Variants in LRFN5 observed in about 807,000 individuals in gnomAD.
LRFN5 encodes the protein leucine-rich repeat and fibronectin type-III domain-containing protein 5.
In LRFN5, 24 loss-of-function variants were observed where a neutral mutation model predicts 45.6. The observed-to-expected ratio is 0.53, with a 90% CI of 0.38 to 0.74. LRFN5 has a LOEUF of 0.74. Ranked by LOEUF, LRFN5 falls within the 30% of genes least tolerant of loss-of-function variation. LRFN5 has a pLI of 0.00. For missense variants in LRFN5, 776 were observed against 861.5 expected (o/e 0.90, Z 1.24); for synonymous variants, 340 against 313.8 (o/e 1.08, Z -0.88).
At chr14:41,757,196 C>T (rs1235925453) in intron 1 of LRFN5, among the ~76,000 whole-genome samples, 4 of 152,158 alleles carry the variant, frequency 2.6e-5, no homozygotes, top group African/African-American at 9.6e-5. Context: ...TTAGGCTACT[C>T]GGGGGTCAGG....
intron 1 of LRFN5, among the ~76,000 whole-genome samples, chr14:41,685,477 C>A (rs778463194): frequency 6.6e-6 from 1 of 152,134 alleles, no homozygotes; most frequent in Non-Finnish European, 1.5e-5. Flanking sequence ...TAATTAGATC[C>A]TATCTGTCAA....
At chr14:41,636,702 C>A (rs905198542) in intron 1 of LRFN5, among the ~76,000 whole-genome samples, 1 of 152,064 alleles carries the variant, frequency 6.6e-6, no homozygotes, top group Non-Finnish European at 1.5e-5. Flanking sequence ...TACCAACTTG[C>A]CTGATTCCAA....
At chr14:41,768,438 C>T (rs1287244603) in intron 2 of LRFN5, among the ~76,000 whole-genome samples, 2 of 152,024 alleles carry the variant, frequency 1.3e-5, no homozygotes, top group African/African-American at 4.8e-5. Context: ...GTGTAGGTTT[C>T]TTCTTCCTAT....
intron 1 of LRFN5, among the ~76,000 whole-genome samples, chr14:41,740,427 G>A (rs943535696): frequency 6.6e-6 from 1 of 151,748 alleles, no homozygotes; most frequent in Non-Finnish European, 1.5e-5. Flanking sequence ...TTAACAAAAT[G>A]AAGAAGAAAA....
At chr14:41,804,964 C>T (rs552643714) in intron 2 of LRFN5, among the ~76,000 whole-genome samples, 7 of 151,920 alleles carry the variant, frequency 4.6e-5, no homozygotes, top group African/African-American at 1.4e-4. Context: ...GTTATATTAG[C>T]TATTAATTGT....
chr14:41,680,139 G>C (rs1881819485), intron 1 of LRFN5, among the ~76,000 whole-genome samples: 1 of 152,134 alleles, frequency 6.6e-6, no homozygotes, highest in South Asian at 2.1e-4. Flanking sequence ...ACAACTCCAG[G>C]CTCTGGATTC....
At chr14:41,850,260 C>A (rs1889219035) in intron 2 of LRFN5, among the ~76,000 whole-genome samples, 1 of 151,860 alleles carries the variant, frequency 6.6e-6, no homozygotes, top group Non-Finnish European at 1.5e-5. Context: ...GACACGTACA[C>A]AATACATGCT....
intron 1 of LRFN5, among the ~76,000 whole-genome samples, chr14:41,751,165 C>G (rs1286609379): frequency 2.0e-5 from 3 of 152,048 alleles, no homozygotes; most frequent in Non-Finnish European, 4.4e-5. Flanking sequence ...CCCACTAGGG[C>G]CCTCCCTCAA....
chr14:41,709,703 T>C (rs993496388), intron 1 of LRFN5, among the ~76,000 whole-genome samples: 1 of 152,042 alleles, frequency 6.6e-6, no homozygotes, highest in Non-Finnish European at 1.5e-5. Context: ...TTTATTTTAA[T>C]TTTAGGAACA....
intron 1 of LRFN5, among the ~76,000 whole-genome samples, chr14:41,674,409 G>T (rs867758874): frequency 1.5e-5 from 2 of 137,414 alleles, no homozygotes; most frequent in East Asian, 4.6e-4. Flanking sequence ...CGGACGGGGC[G>T]GCTGGCCGGG....
At chr14:41,791,335 G>C (rs1046573068) in intron 2 of LRFN5, among the ~76,000 whole-genome samples, 6 of 151,984 alleles carry the variant, frequency 3.9e-5, no homozygotes, top group African/African-American at 1.4e-4. Flanking sequence ...TACAAATGCA[G>C]ATGATCAGTC....
At chr14:41,737,567 G>C (rs1186787356) in intron 1 of LRFN5, among the ~76,000 whole-genome samples, 1 of 152,130 alleles carries the variant, frequency 6.6e-6, no homozygotes, top group African/African-American at 2.4e-5. Flanking sequence ...AATTATCTCT[G>C]TTTGTGGATG....
chr14:41,886,697 T>G lies in LRFN5; in HGVS notation c.72T>G (p.Cys24Trp). Residue 24 changes from cysteine (C) to tryptophan (W), a missense_variant, in exon 3 of 6, where the codon TGT becomes TGG. Cys to Trp is a radical substitution (Grantham distance 215). This residue lies in a region of LRFN5 where 311 missense variants were observed against 405.1 expected (regional missense o/e 0.77). Transcript: ENST00000298119. Reference protein sequence around the residue: ...AVKAQICPKRCVCQILSPNLA... With the variant: ...AVKAQICPKRWVCQILSPNLA... ...AAGCTCAGATCTGTCCAAAGCGTTG[T>G]GTCTGTCAGATTTTGTCTCCTAATC... is the stretch of plus-strand genomic sequence containing the variant. The G allele has an allele frequency of 6.2e-7, 1 of 1,614,104 alleles. No homozygotes were observed. Among genetic ancestry groups the G allele is most frequent in the Non-Finnish European group, 8.5e-7 (1 of 1,180,000 alleles).
chr14:41,895,704 C>T (rs1488566419), intron 4 of LRFN5, among the ~76,000 whole-genome samples: 4 of 151,346 alleles, frequency 2.6e-5, no homozygotes, highest in African/African-American at 7.3e-5. Context: ...AATTTATTTC[C>T]CCTTTTTTTT....
chr14:41,823,990 C>T (rs536556928), intron 2 of LRFN5, among the ~76,000 whole-genome samples: 3 of 152,086 alleles, frequency 2.0e-5, no homozygotes, highest in East Asian at 3.9e-4. Context: ...TTTGTAATTC[C>T]TTCAATGAAT....
intron 2 of LRFN5, among the ~76,000 whole-genome samples, chr14:41,850,223 A>C (rs764807011): frequency 1.3e-5 from 2 of 151,980 alleles, no homozygotes; most frequent in Non-Finnish European, 2.9e-5. Context: ...CACATAGGTA[A>C]TGCAAGTACT....
At chr14:41,712,656 C>A (rs192588610) in intron 1 of LRFN5, among the ~76,000 whole-genome samples, 4 of 152,158 alleles carry the variant, frequency 2.6e-5, no homozygotes, top group East Asian at 3.9e-4. Context: ...TTTTATATAA[C>A]CTAAGCAAGA....
intron 2 of LRFN5, among the ~76,000 whole-genome samples, chr14:41,772,142 A>G (rs896926052): frequency 1.3e-5 from 2 of 152,108 alleles, no homozygotes; most frequent in Non-Finnish European, 2.9e-5. Flanking sequence ...ACATCTTTTC[A>G]AACAACCAGA....
intron 1 of LRFN5, among the ~76,000 whole-genome samples, chr14:41,647,873 A>G (rs897604893): frequency 2.0e-5 from 3 of 152,188 alleles, no homozygotes; most frequent in African/African-American, 4.8e-5. Flanking sequence ...GATAAATTTT[A>G]AACAACAGGA....
Sources: allele counts gnomAD v4.1 joint callset (sites outside exome capture counted in the v4.1 genomes callset), GRCh38; gene constraint gnomAD v4.1.1; regional missense constraint gnomAD v4.1.1; transcripts MANE v1.5; gene names NCBI Gene and HGNC (gene_info 2026-07-23, HGNC 2026-07-21).